Variants in ZBTB20 observed in about 807,000 individuals in gnomAD.
ZBTB20 encodes zinc finger and BTB domain-containing protein 20.
In ZBTB20, 9 loss-of-function variants were observed where a neutral mutation model predicts 56.9. The ratio of observed to expected loss-of-function variants is 0.16; its 90% confidence interval spans 0.10 to 0.28. ZBTB20 has a LOEUF of 0.28. Ranked by LOEUF, ZBTB20 falls within the 10% of genes least tolerant of loss-of-function variation. The pLI, the probability that ZBTB20 is intolerant of heterozygous loss-of-function variation, is 1.00. For synonymous variants in ZBTB20, 417 were observed against 420.7 expected, an observed-to-expected ratio of 0.99 and a Z score of 0.11; for missense variants, 655 against 1,003.0, an observed-to-expected ratio of 0.65 and a Z score of 4.69.
intron 7 of ZBTB20, among the ~76,000 whole-genome samples, chr3:114,406,023 C>G (rs1047460459): frequency 1.3e-5 from 2 of 151,522 alleles, no homozygotes; most frequent in Non-Finnish European, 2.9e-5. Flanking sequence ...AAAAAAAAAC[C>G]CTACATGCCA....
chr3:114,747,524 A>G (rs1483922710), intron 5 of ZBTB20, among the ~76,000 whole-genome samples: 2 of 152,198 alleles, frequency 1.3e-5, no homozygotes, highest in Non-Finnish European at 2.9e-5. Flanking sequence ...AGACTGAGCC[A>G]CTACACTCCA....
intron 6 of ZBTB20, among the ~76,000 whole-genome samples, chr3:114,566,375 G>A (rs2052756095): frequency 6.6e-6 from 1 of 152,172 alleles, no homozygotes; most frequent in African/African-American, 2.4e-5. Context: ...TAAAGAGAAG[G>A]CACTGGCTAA....
chr3:115,115,539 T>A (rs1376815508), intron 1 of ZBTB20, among the ~76,000 whole-genome samples: 1 of 152,090 alleles, frequency 6.6e-6, no homozygotes, highest in African/African-American at 2.4e-5. Context: ...GCATAATTTG[T>A]TCAATACTTG....
At chr3:114,863,861 G>A (rs1202054692) in intron 4 of ZBTB20, among the ~76,000 whole-genome samples, 2 of 151,926 alleles carry the variant, frequency 1.3e-5, no homozygotes, top group African/African-American at 4.8e-5. Context: ...GAGGCCAAGG[G>A]ACATTAAGTT....
chr3:114,600,241 A>T (rs933301879), intron 6 of ZBTB20, among the ~76,000 whole-genome samples: 2 of 152,056 alleles, frequency 1.3e-5, no homozygotes, highest in Non-Finnish European at 2.9e-5. Context: ...TCAGAGAAGG[A>T]TTCCCAACAG....
chr3:114,793,240 T>C (rs566566126), intron 5 of ZBTB20, among the ~76,000 whole-genome samples: 2 of 152,234 alleles, frequency 1.3e-5, no homozygotes, highest in Admixed American at 6.5e-5. Context: ...CCTTTACCTC[T>C]GATCACACTA....
intron 1 of ZBTB20, among the ~76,000 whole-genome samples, chr3:115,104,089 T>A (rs1276148175): frequency 6.6e-6 from 1 of 152,182 alleles, no homozygotes; most frequent in Non-Finnish European, 1.5e-5. Flanking sequence ...CAAATAAGCG[T>A]ATGAAAGGGG....
intron 7 of ZBTB20, among the ~76,000 whole-genome samples, chr3:114,422,832 T>C (rs984787242): frequency 2.0e-5 from 3 of 152,276 alleles, no homozygotes; most frequent in South Asian, 4.1e-4. Context: ...ATGGATGAGA[T>C]GAAATTATAT....
intron 3 of ZBTB20, among the ~76,000 whole-genome samples, chr3:114,959,067 C>G (rs2077350189): frequency 6.6e-6 from 1 of 152,092 alleles, no homozygotes; most frequent in South Asian, 2.1e-4. Flanking sequence ...CTGAATGTCT[C>G]AACTACTTTC....
chr3:114,705,198 C>CAAT (rs2063642937), intron 5 of ZBTB20, among the ~76,000 whole-genome samples: 1 of 152,098 alleles, frequency 6.6e-6, no homozygotes, highest in Non-Finnish European at 1.5e-5. Context: ...ACCCTTCCCT[C>CAAT]ACCACCACAG....
intron 6 of ZBTB20, among the ~76,000 whole-genome samples, chr3:114,501,836 G>A (rs2044025089): frequency 6.6e-6 from 1 of 150,436 alleles, no homozygotes; most frequent in African/African-American, 2.4e-5. Flanking sequence ...AGCCTCCTGA[G>A]TAGCTGGGAC....
At chr3:114,459,765 T>C (rs753615261) in intron 7 of ZBTB20, among the ~76,000 whole-genome samples, 3 of 152,112 alleles carry the variant, frequency 2.0e-5, no homozygotes, top group Non-Finnish European at 4.4e-5. Flanking sequence ...AATTAGCTAG[T>C]GAAAAGCACT....
At chr3:114,876,573 T>TG (rs2076207882) in intron 4 of ZBTB20, 1 of 152,220 alleles carries the variant, frequency 6.6e-6, no homozygotes, top group South Asian at 2.1e-4. Flanking sequence ...AATTTTGACT[T>TG]GGAGTTAAAA....
chr3:114,460,641 G>A (rs772487177), intron 7 of ZBTB20, among the ~76,000 whole-genome samples: 1 of 152,150 alleles, frequency 6.6e-6, no homozygotes, highest in Admixed American at 6.5e-5. Flanking sequence ...CTTTAGTACA[G>A]TGAAACTGAT....
intron 1 of ZBTB20, among the ~76,000 whole-genome samples, chr3:115,124,951 A>G (rs1280301572): frequency 6.6e-6 from 1 of 152,082 alleles, no homozygotes; most frequent in East Asian, 1.9e-4. Flanking sequence ...GGTAAACACG[A>G]GTTTACCTAT....
At chr3:115,107,585 C>T (rs146247076) in intron 1 of ZBTB20, among the ~76,000 whole-genome samples, 751 of 152,240 alleles carry the variant, frequency 4.9e-3, no homozygotes, top group Admixed American at 9.3e-3. Context: ...GACAGTGTGG[C>T]GATTCCTCAA....
At chr3:114,701,600 A>T (rs192181652) in intron 5 of ZBTB20, among the ~76,000 whole-genome samples, 11 of 152,338 alleles carry the variant, frequency 7.2e-5, no homozygotes, top group Admixed American at 6.5e-5. Context: ...TTAGCAACAT[A>T]GTTAAAGAGC....
chr3:115,146,221 G>A (rs553214692), intron 1 of ZBTB20, among the ~76,000 whole-genome samples: 1 of 152,140 alleles, frequency 6.6e-6, no homozygotes, highest in East Asian at 1.9e-4. Flanking sequence ...ACCGCGCTAG[G>A]TACCGTAGCT....
At chr3:114,422,883 T>C (rs1259019558) in intron 7 of ZBTB20, among the ~76,000 whole-genome samples, 1 of 152,084 alleles carries the variant, frequency 6.6e-6, no homozygotes, top group Non-Finnish European at 1.5e-5. Context: ...ATATTTTGGG[T>C]CAGTCACCTT....
Sources: allele counts gnomAD v4.1 joint callset (sites outside exome capture counted in the v4.1 genomes callset), GRCh38; gene constraint gnomAD v4.1.1; transcripts MANE v1.5; gene names NCBI Gene and HGNC (gene_info 2026-07-23, HGNC 2026-07-21).